HMCN1: variants seen among roughly 807,000 people sequenced by gnomAD.
HMCN1 encodes the protein hemicentin 1.
In HMCN1, 321 loss-of-function variants were observed where a neutral mutation model predicts 625.9. That is an observed-to-expected ratio of 0.51 (90% CI 0.47 to 0.56). HMCN1 has a LOEUF of 0.56. HMCN1 is among the 20% of genes least tolerant of loss of function. The pLI is 0.00. For missense variants in HMCN1, 6,588 were observed against 6,887.3 expected (o/e 0.96, Z 1.54); for synonymous variants, 2,425 against 2,417.6 (o/e 1.00, Z -0.09).
chr1:185,833,106 A>AT (rs961584152), intron 1 of HMCN1, among the ~76,000 whole-genome samples: 1 of 151,888 alleles, frequency 6.6e-6, no homozygotes, highest in African/African-American at 2.4e-5. Flanking sequence ...TTTATTCTTC[A>AT]TTTTCTCTCT....
intron 10 of HMCN1, among the ~76,000 whole-genome samples, chr1:185,929,860 AT>A (rs894467152): frequency 2.0e-5 from 3 of 152,114 alleles, no homozygotes; most frequent in African/African-American, 7.2e-5. Flanking sequence ...CAAACTATTC[AT>A]TTTTTCATGT....
At chr1:185,783,296 G>A (rs575783343) in intron 1 of HMCN1, among the ~76,000 whole-genome samples, 27 of 152,168 alleles carry the variant, frequency 1.8e-4, no homozygotes, top group Admixed American at 4.6e-4. Context: ...TTCAAAGTTC[G>A]TCCTTTAGCT....
At chr1:186,018,059 C>T (rs1315511902) in intron 33 of HMCN1, 124 bp from the exon 34 acceptor site, 2 of 889,136 alleles carry the variant, frequency 2.2e-6, no homozygotes, top group Non-Finnish European at 3.6e-6. Flanking sequence ...TTTTCATTTA[C>T]AATTTATTTT....
In HMCN1 at chr1:186,093,261, A is replaced by G; in HGVS notation, c.10012+3A>G. ...AATTTTTAACTTGAATGTCTATGGTAAATATGAAATATCCCCCTCTTTTGA... is the reference window on the plus strand; with the variant it reads ...AATTTTTAACTTGAATGTCTATGGTGAATATGAAATATCCCCCTCTTTTGA... On this transcript the variant is annotated splice_donor_region_variant and intron_variant, in intron 65 of 106. Transcript: ENST00000271588. 1.9e-6 allele frequency: 3 copies of G among 1,613,252 alleles called. No homozygotes were observed. Among genetic ancestry groups the G allele is most frequent in the Non-Finnish European group, 2.5e-6 (3 of 1,179,494 alleles).
At chr1:185,853,691 C>T (rs560947935) in intron 2 of HMCN1, among the ~76,000 whole-genome samples, 5 of 152,204 alleles carry the variant, frequency 3.3e-5, no homozygotes, top group African/African-American at 1.2e-4. Flanking sequence ...TATCCAGAAG[C>T]AAATACGTTG....
chr1:186,138,812 A>C (rs537854301), intron 89 of HMCN1, among the ~76,000 whole-genome samples: 1 of 152,332 alleles, frequency 6.6e-6, no homozygotes, highest in East Asian at 1.9e-4. Flanking sequence ...AGGGTATTTT[A>C]ATAGCCATCT....
chr1:185,736,563 G>A (rs1653590486), intron 1 of HMCN1, among the ~76,000 whole-genome samples: 1 of 152,140 alleles, frequency 6.6e-6, no homozygotes, highest in Non-Finnish European at 1.5e-5. Flanking sequence ...ACCACGATTT[G>A]CTTTTCACCA....
intron 24 of HMCN1, among the ~76,000 whole-genome samples, chr1:185,997,083 GAC>G (rs1652844228): frequency 6.6e-6 from 1 of 152,036 alleles, no homozygotes; most frequent in South Asian, 2.1e-4. Flanking sequence ...TAGAGAGGAA[GAC>G]ACAGATATGT....
At chr1:185,933,518 C>A (rs1232433351) in intron 10 of HMCN1, 31 bp from the exon 11 acceptor site, 3 of 1,613,110 alleles carry the variant, frequency 1.9e-6, no homozygotes, top group Non-Finnish European at 2.5e-6. Context: ...GCTTTTAGGT[C>A]TCTTGATTTG....
chr1:185,798,192 T>C (rs6689359), intron 1 of HMCN1, among the ~76,000 whole-genome samples: 13,849 of 152,102 alleles, frequency 0.091, 2,036 homozygotes, highest in African/African-American at 0.31. Context: ...ACATTCATGG[T>C]GGACAGTTTT....
At chr1:186,009,220 A>T (rs1044206003) in intron 30 of HMCN1, among the ~76,000 whole-genome samples, 1 of 152,184 alleles carries the variant, frequency 6.6e-6, no homozygotes, top group Non-Finnish European at 1.5e-5. Flanking sequence ...TGGTGATTCA[A>T]TAAGACTCTT....
At chr1:186,060,950 A>G (rs574707263) in intron 46 of HMCN1, among the ~76,000 whole-genome samples, 4 of 152,184 alleles carry the variant, frequency 2.6e-5, no homozygotes, top group African/African-American at 7.2e-5. Flanking sequence ...TATACACTCC[A>G]TAGTCTTTAG....
intron 97 of HMCN1, among the ~76,000 whole-genome samples, chr1:186,162,909 G>A (rs565108781): frequency 0.013 from 1,935 of 152,252 alleles, 35 homozygotes; most frequent in African/African-American, 0.044. Context: ...CTCCAGCTGC[G>A]TGCTGGGAGA....
intron 85 of HMCN1, among the ~76,000 whole-genome samples, chr1:186,131,767 TAC>T (rs1334089861): frequency 1.3e-5 from 2 of 152,248 alleles, no homozygotes; most frequent in African/African-American, 4.8e-5. Flanking sequence ...TACATAAATT[TAC>T]ACACACAGAC....
chr1:186,017,531 G>C (rs1654444436), intron 33 of HMCN1, among the ~76,000 whole-genome samples: 1 of 151,776 alleles, frequency 6.6e-6, no homozygotes. Flanking sequence ...TGAATATTTA[G>C]CTTTTGTTTC....
At chr1:185,821,211 T>A (rs1248649301) in intron 1 of HMCN1, among the ~76,000 whole-genome samples, 1 of 152,112 alleles carries the variant, frequency 6.6e-6, no homozygotes, top group Non-Finnish European at 1.5e-5. Context: ...TGTGCACCTC[T>A]CTGTAAAGAC....
At chr1:186,144,091 A>G (rs1650131664) in intron 89 of HMCN1, 82 bp from the exon 90 acceptor site, 3 of 1,297,540 alleles carry the variant, frequency 2.3e-6, no homozygotes, top group Non-Finnish European at 3.2e-6. Flanking sequence ...TTAGCTCATT[A>G]CTGAGTTAAT....
rs370963629 is a variant in HMCN1, at chr1:186,075,615, A to T, written c.8290+724A>T. Among the ~76,000 whole-genome samples the T allele has an allele frequency of 9.9e-5, 15 of 152,232 alleles. 1 individual carries two copies. The East Asian group carries it at 2.7e-3, about 27-fold the overall frequency. ...TGATTGAGAAATGATACCTGCCATT[A>T]TTGTTGTTTATATTGTTACTCTTGA... is the stretch of plus-strand genomic sequence containing the variant. On this transcript the variant is annotated intron_variant, in intron 53 of 106. Coordinates refer to ENST00000271588, the MANE Select transcript of HMCN1 (RefSeq NM_031935.3).
rs1571365297 is a variant in HMCN1, at chr1:185,796,966, T to G, written c.269-49060T>G. Among the ~76,000 whole-genome samples the G allele has an allele frequency of 2.0e-5, 3 of 152,206 alleles. No individual in the cohort carries two copies. The South Asian group carries it at 6.2e-4, about 32-fold the overall frequency. Reference sequence around the variant, plus strand: ...TACTACTTTACATTTCCACCAGTAGTGTATACATGTTTCCTTTTCTCTGCA... The same window carrying G: ...TACTACTTTACATTTCCACCAGTAGGGTATACATGTTTCCTTTTCTCTGCA... On this transcript the variant is annotated intron_variant, in intron 1 of 106. Coordinates refer to ENST00000271588, the MANE Select transcript of HMCN1 (RefSeq NM_031935.3).
Sources: allele counts gnomAD v4.1 joint callset (sites outside exome capture counted in the v4.1 genomes callset), GRCh38; gene constraint gnomAD v4.1.1; transcripts MANE v1.5; gene names NCBI Gene and HGNC (gene_info 2026-07-23, HGNC 2026-07-21).